CNTNAP5: variants seen among roughly 807,000 people sequenced by gnomAD.
The protein encoded by CNTNAP5 is contactin-associated protein-like 5.
In CNTNAP5, 72 loss-of-function variants were observed where a neutral mutation model predicts 150.2. The observed-to-expected ratio is 0.48, with a 90% CI of 0.40 to 0.58. The LOEUF is 0.58. Among genes scored for constraint, CNTNAP5 ranks in the 20% least tolerant of loss-of-function variants. CNTNAP5 has a pLI of 0.00. For synonymous variants in CNTNAP5, 672 were observed against 619.8 expected (o/e 1.08, Z -1.25); for missense variants, 1,636 against 1,626.2 (o/e 1.01, Z -0.10).
At chr2:124,533,905 G>A (rs1695172640) in intron 10 of CNTNAP5, among the ~76,000 whole-genome samples, 1 of 152,172 alleles carries the variant, frequency 6.6e-6, no homozygotes, top group Non-Finnish European at 1.5e-5. Context: ...GTCACAGCTT[G>A]ATCTTTCCTT....
At chr2:124,869,341 G>C (rs970303103) in intron 20 of CNTNAP5, among the ~76,000 whole-genome samples, 11 of 152,184 alleles carry the variant, frequency 7.2e-5, no homozygotes, top group African/African-American at 2.7e-4. Flanking sequence ...TGCACAGCAA[G>C]TTCCTGAGCA....
At chr2:124,270,629 T>C (rs1201608248) in intron 3 of CNTNAP5, among the ~76,000 whole-genome samples, 2 of 152,190 alleles carry the variant, frequency 1.3e-5, no homozygotes, top group Non-Finnish European at 2.9e-5. Flanking sequence ...AGAGTGAGAA[T>C]GACTACTGAG....
rs181802518 is a variant in CNTNAP5 at position 124,629,219 on chromosome 2, A to G, written c.1877-18539A>G. Among the ~76,000 whole-genome samples the G allele has an allele frequency of 1.2e-3, 189 of 152,326 alleles. 1 individual carries two copies. Among genetic ancestry groups the G allele is most frequent in the African/African-American group, 4.0e-3 (165 of 41,580 alleles). On this transcript the variant is annotated intron_variant, in intron 12 of 23. Transcript: ENST00000682447. ...TCTAGGCCAAGTGGACCTGATAGAT[A>G]TCTACAGAACTCTCTACCCCAAAGC...
At chr2:124,180,779 A>G (rs562128905) in intron 1 of CNTNAP5, among the ~76,000 whole-genome samples, 5 of 131,198 alleles carry the variant, frequency 3.8e-5, no homozygotes, top group East Asian at 2.6e-4. Context: ...AGCCCCCCCA[A>G]TCTCCCCCCA....
chr2:124,323,624 C>T (rs1444479841), intron 3 of CNTNAP5, among the ~76,000 whole-genome samples: 2 of 152,162 alleles, frequency 1.3e-5, no homozygotes, highest in African/African-American at 2.4e-5. Flanking sequence ...GCTTCCACAG[C>T]ACCCTCATAT....
chr2:124,256,858 T>A (rs1687328148), intron 3 of CNTNAP5, among the ~76,000 whole-genome samples: 1 of 152,182 alleles, frequency 6.6e-6, no homozygotes, highest in Non-Finnish European at 1.5e-5. Flanking sequence ...CCTGTGCACC[T>A]GGAACCCAGA....
At chr2:124,894,529 C>T (rs1378603774) in intron 21 of CNTNAP5, among the ~76,000 whole-genome samples, 1 of 150,822 alleles carries the variant, frequency 6.6e-6, no homozygotes, top group Admixed American at 6.6e-5. Flanking sequence ...CGTGCAAATC[C>T]TGCTGTTTTT....
chr2:124,393,794 C>G (rs1003804869), intron 3 of CNTNAP5, among the ~76,000 whole-genome samples: 1 of 152,174 alleles, frequency 6.6e-6, no homozygotes, highest in Non-Finnish European at 1.5e-5. Context: ...CAGGCTGCAC[C>G]TCACCTGAAC....
At chr2:124,496,877 T>C (rs1254097104) in intron 7 of CNTNAP5, among the ~76,000 whole-genome samples, 1 of 152,194 alleles carries the variant, frequency 6.6e-6, no homozygotes, top group African/African-American at 2.4e-5. Context: ...AGTCACCTGA[T>C]TGGATTCAGA....
chr2:124,361,964 T>C (rs994942455), intron 3 of CNTNAP5, among the ~76,000 whole-genome samples: 14 of 152,080 alleles, frequency 9.2e-5, no homozygotes, highest in African/African-American at 1.4e-4. Context: ...CAGCGAGACT[T>C]CGTGGGCGTA....
intron 21 of CNTNAP5, among the ~76,000 whole-genome samples, chr2:124,885,079 T>C (rs758805946): frequency 3.3e-5 from 5 of 151,982 alleles, no homozygotes; most frequent in African/African-American, 7.3e-5. Context: ...AATTGGTTCA[T>C]GCAGTTATGG....
chr2:124,275,978 C>A (rs925724765), intron 3 of CNTNAP5, among the ~76,000 whole-genome samples: 7 of 152,090 alleles, frequency 4.6e-5, no homozygotes, highest in African/African-American at 1.7e-4. Flanking sequence ...TAATGTCTGC[C>A]AAGTGAAAGG....
At chr2:124,697,416 C>T (rs1679427221) in intron 13 of CNTNAP5, among the ~76,000 whole-genome samples, 1 of 152,094 alleles carries the variant, frequency 6.6e-6, no homozygotes, top group South Asian at 2.1e-4. Flanking sequence ...TCGTTGAAAA[C>T]CTTGACAGCT....
chr2:124,838,608 C>G (rs1341836238), intron 19 of CNTNAP5, among the ~76,000 whole-genome samples: 1 of 152,172 alleles, frequency 6.6e-6, no homozygotes, highest in African/African-American at 2.4e-5. Context: ...ATGCAGCTGG[C>G]TGCGAATCAA....
At chr2:124,835,530 A>ACAT (rs1441183449) in intron 19 of CNTNAP5, among the ~76,000 whole-genome samples, 4 of 152,142 alleles carry the variant, frequency 2.6e-5, no homozygotes, top group Non-Finnish European at 5.9e-5. Context: ...CAGAGTGGCG[A>ACAT]CATCCAGGTC....
In CNTNAP5 at chr2:124,728,791, A is replaced by G. The variant is rs142401326; in HGVS notation, c.2078-18438A>G. 4.6e-4 allele frequency among the ~76,000 whole-genome samples: 70 copies of G among 152,200 alleles called. 1 individual carries two copies. Among genetic ancestry groups the G allele is most frequent in the Middle Eastern group, 3.4e-3 (1 of 294 alleles). Reference sequence around the variant, plus strand: ...TTTTTGCCTTTTTCTGAATGACACTATTCTAAAATCTGGCAACTCCACAAA... The same window carrying G: ...TTTTTGCCTTTTTCTGAATGACACTGTTCTAAAATCTGGCAACTCCACAAA... On this transcript the variant is annotated intron_variant, in intron 13 of 23. Coordinates refer to ENST00000682447, the MANE Select transcript of CNTNAP5 (RefSeq NM_001367498.1).
intron 14 of CNTNAP5, 30 bp downstream of exon 14, chr2:124,747,415 G>T (rs1680627868): frequency 6.2e-7 from 1 of 1,612,448 alleles, no homozygotes; most frequent in Non-Finnish European, 8.5e-7. Flanking sequence ...TTCTGCAATT[G>T]TAGAGAAAGC....
At chr2:124,120,041 A>T (rs950886055) in intron 1 of CNTNAP5, among the ~76,000 whole-genome samples, 5 of 152,314 alleles carry the variant, frequency 3.3e-5, no homozygotes, top group Middle Eastern at 3.4e-3. Context: ...TGGGATATTT[A>T]AAGTCTCCCA....
At chr2:124,828,117 A>G (rs924855133) in intron 19 of CNTNAP5, among the ~76,000 whole-genome samples, 6 of 152,200 alleles carry the variant, frequency 3.9e-5, no homozygotes, top group Non-Finnish European at 5.9e-5. Flanking sequence ...ATCTTGCAAG[A>G]ACTATTTAAT....
Sources: gnomAD v4.1 joint callset for allele counts (sites outside exome capture counted in the v4.1 genomes callset) on GRCh38, gnomAD v4.1.1 for gene constraint, MANE v1.5 for transcripts, NCBI Gene and HGNC (gene_info 2026-07-23, HGNC 2026-07-21) for gene names.